The following NALF1 variants were observed in gnomAD, a reference collection of about 807,000 sequenced individuals.
NALF1 encodes the protein family with sequence similarity 155 member A.
NALF1 carries 3 observed loss-of-function variants against 48.4 expected under a neutral mutation model. The observed-to-expected ratio is 0.06, with a 90% CI of 0.03 to 0.16. The LOEUF (loss-of-function observed/expected upper bound fraction) is 0.16. Among genes scored for constraint, NALF1 ranks in the 10% least tolerant of loss-of-function variants. The probability of loss-of-function intolerance (pLI) is 1.00; values close to 1 mark genes in which losing one functional copy is unlikely to be tolerated. For missense variants in NALF1, 526 were observed against 571.5 expected (o/e 0.92, Z 0.81); for synonymous variants, 262 against 245.7 (o/e 1.07, Z -0.62).
At chr13:107,399,295 T>C (rs1883763964) in intron 1 of NALF1, among the ~76,000 whole-genome samples, 2 of 152,158 alleles carry the variant, frequency 1.3e-5, no homozygotes, top group African/African-American at 4.8e-5. Flanking sequence ...TATGTAAACA[T>C]AGATAATTGT....
chr13:107,767,469 A>G (rs1877447403), intron 1 of NALF1, among the ~76,000 whole-genome samples: 1 of 152,238 alleles, frequency 6.6e-6, no homozygotes, highest in Non-Finnish European at 1.5e-5. Context: ...AATGTCTTAC[A>G]AGGATTTCAG....
At chr13:107,605,882 C>T (rs1879052935) in intron 1 of NALF1, among the ~76,000 whole-genome samples, 2 of 152,126 alleles carry the variant, frequency 1.3e-5, no homozygotes, top group South Asian at 4.1e-4. Flanking sequence ...ATGTCTTGCC[C>T]CTTATGCACC....
At chr13:107,248,443 A>G (rs1021504276) in intron 1 of NALF1, among the ~76,000 whole-genome samples, 3 of 151,828 alleles carry the variant, frequency 2.0e-5, no homozygotes, top group Non-Finnish European at 4.4e-5. Flanking sequence ...AAAGTAATCC[A>G]TTCATAAACC....
intron 1 of NALF1, among the ~76,000 whole-genome samples, chr13:107,827,889 AC>A (rs1879568391): frequency 6.6e-6 from 1 of 152,194 alleles, no homozygotes; most frequent in South Asian, 2.1e-4. Context: ...GCGATTAAAA[AC>A]ATGTCTTCTA....
intron 1 of NALF1, among the ~76,000 whole-genome samples, chr13:107,298,351 C>CAAAAAA (rs1192707023): frequency 0.04 from 671 of 16,586 alleles, 133 homozygotes; most frequent in Non-Finnish European, 0.047. Context: ...GACTCCATCT[C>CAAAAAA]AAAAAAAAAA....
chr13:107,309,014 GTT>G (rs1415564560), intron 1 of NALF1, among the ~76,000 whole-genome samples: 1 of 152,136 alleles, frequency 6.6e-6, no homozygotes, highest in African/African-American at 2.4e-5. Context: ...GATCAAATAC[GTT>G]TTGTCTGCTT....
chr13:107,354,761 G>C (rs985220319), intron 1 of NALF1, among the ~76,000 whole-genome samples: 1 of 152,064 alleles, frequency 6.6e-6, no homozygotes, highest in African/African-American at 2.4e-5. Context: ...AAGGCCTTTG[G>C]TTCCTCAGTA....
At chr13:107,780,857 T>G (rs1410333202) in intron 1 of NALF1, among the ~76,000 whole-genome samples, 2 of 152,172 alleles carry the variant, frequency 1.3e-5, no homozygotes, top group African/African-American at 2.4e-5. Flanking sequence ...CCAACTGACT[T>G]CATAATCTTT....
At chr13:107,733,182 A>C (rs1264497998) in intron 1 of NALF1, among the ~76,000 whole-genome samples, 1 of 152,198 alleles carries the variant, frequency 6.6e-6, no homozygotes, top group Non-Finnish European at 1.5e-5. Context: ...ATCCATTATT[A>C]ACATTTTAGC....
chr13:107,315,698 A>C (rs754215222), intron 1 of NALF1, among the ~76,000 whole-genome samples: 1 of 151,806 alleles, frequency 6.6e-6, no homozygotes, highest in Admixed American at 6.6e-5. Flanking sequence ...ACATTTTTGC[A>C]GTTATTTTCT....
intron 1 of NALF1, among the ~76,000 whole-genome samples, chr13:107,763,482 A>T (rs1877325864): frequency 6.6e-6 from 1 of 151,924 alleles, no homozygotes; most frequent in Middle Eastern, 3.4e-3. Flanking sequence ...AAAAAAAAAA[A>T]AAAAAAAGGC....
chr13:107,487,719 A>G (rs1295852524), intron 1 of NALF1, among the ~76,000 whole-genome samples: 1 of 152,120 alleles, frequency 6.6e-6, no homozygotes, highest in Non-Finnish European at 1.5e-5. Context: ...ATTTTGATCA[A>G]GGATATTGGC....
intron 1 of NALF1, among the ~76,000 whole-genome samples, chr13:107,328,789 G>C (rs1215685330): frequency 3.3e-5 from 5 of 152,120 alleles, no homozygotes; most frequent in African/African-American, 9.7e-5. Flanking sequence ...CAGCACTTAG[G>C]GTCTCCAGGC....
intron 2 of NALF1, among the ~76,000 whole-genome samples, chr13:107,185,362 C>T (rs1163465790): frequency 6.6e-6 from 1 of 151,938 alleles, no homozygotes; most frequent in Non-Finnish European, 1.5e-5. Context: ...GCCTCCAGAA[C>T]AGTGCGTGTT....
chr13:107,608,788 G>C (rs544598675), intron 1 of NALF1, among the ~76,000 whole-genome samples: 1 of 152,216 alleles, frequency 6.6e-6, no homozygotes, highest in Non-Finnish European at 1.5e-5. Flanking sequence ...TGAAGGAAGA[G>C]GTGAACGGCA....
In NALF1 at chr13:107,200,956, C is replaced by T. The variant is rs548646752; in HGVS notation, c.1087+9628G>A. On this transcript the variant is annotated intron_variant, in intron 2 of 2. Coordinates refer to ENST00000375915, the MANE Select transcript of NALF1 (RefSeq NM_001080396.3). ...TTGAACCTTAAGGACCCTGGAGCTG[C>T]GGGGCCAGGGGGACCGAGTGAAAAT... Among the ~76,000 whole-genome samples the T allele has an allele frequency of 9.9e-5, 15 of 152,214 alleles. No individual in the cohort carries two copies. The South Asian group carries it at 2.7e-3, about 27-fold the overall frequency.
At chr13:107,781,616 C>G (rs1177288493) in intron 1 of NALF1, among the ~76,000 whole-genome samples, 1 of 151,682 alleles carries the variant, frequency 6.6e-6, no homozygotes, top group East Asian at 1.9e-4. Context: ...ATCAGCAACT[C>G]TCACTAAATG....
chr13:107,457,715 G>C lies in NALF1; in HGVS notation c.916-246960C>G, dbSNP rs192409601. Among the ~76,000 whole-genome samples the C allele has an allele frequency of 5.7e-3, 865 of 152,248 alleles. 7 individuals are homozygous for C. Among genetic ancestry groups the C allele is most frequent in the African/African-American group, 0.02 (816 of 41,546 alleles). On this transcript the variant is annotated intron_variant, in intron 1 of 2. Transcript: ENST00000375915. ...CATGGAAATTAAAATCTCAGATAAA[G>C]TTGAAAACAAATGTTGAGACATTTG...
In NALF1 at chr13:107,722,851, G is replaced by A. The variant is rs7323170; in HGVS notation, c.915+142831C>T. Among the ~76,000 whole-genome samples, 1,288 of 152,268 alleles carry A rather than the reference G, an allele frequency of 8.5e-3. 20 individuals carry two copies. The highest frequency in any genetic ancestry group is 0.029 in the African/African-American group (1,220 of 41,542). On this transcript the variant is annotated intron_variant, in intron 1 of 2. Coordinates refer to ENST00000375915, the MANE Select transcript of NALF1 (RefSeq NM_001080396.3). Reference sequence around the variant, plus strand: ...TGTCACCACATGGATGGGTTTCAGCGCGCACCTTCCCTCTCACCTGGGTCC... The same window carrying A: ...TGTCACCACATGGATGGGTTTCAGCACGCACCTTCCCTCTCACCTGGGTCC...
Sources: allele counts gnomAD v4.1 joint callset (sites outside exome capture counted in the v4.1 genomes callset), GRCh38; gene constraint gnomAD v4.1.1; transcripts MANE v1.5; gene names NCBI Gene and HGNC (gene_info 2026-07-23, HGNC 2026-07-21).